ACP6: variants seen among roughly 807,000 people sequenced by gnomAD.
ACP6 encodes lysophosphatidic acid phosphatase type 6.
In ACP6, 48 loss-of-function variants were observed where a neutral mutation model predicts 48.1. The ratio of observed to expected loss-of-function variants is 1.00; its 90% confidence interval spans 0.79 to 1.27. The LOEUF is 1.27. ACP6 is among the 50% of genes most tolerant of loss of function. The pLI is 0.00. For missense variants in ACP6, 485 were observed against 529.1 expected, an observed-to-expected ratio of 0.92 and a Z score of 0.82; for synonymous variants, 172 against 204.2, an observed-to-expected ratio of 0.84 and a Z score of 1.34.
rs781901499 is a variant in ACP6, at chr1:147,647,470, C to T, written c.1240G>A (p.Ala414Thr). ...VYTLSPEKYH[A>T]LCSQTQVMEV... is the part of the protein sequence containing the mutation. ...ATCACCTGAGTTTGAGAGCAGAGTG[C>T]GTGGTATTTTTCTGGGCTTAAGGTA... is the stretch of plus-strand genomic sequence containing the variant. Residue 414 changes from alanine (A) to threonine (T), a missense_variant, in exon 10 of 10, where the codon GCA (alanine) becomes ACA (threonine). By Grantham distance (58) the Ala-to-Thr change is moderately conservative. Coordinates refer to ENST00000583509, the MANE Select transcript of ACP6 (RefSeq NM_016361.5). 5.8e-5 allele frequency: 93 copies of T among 1,614,076 alleles called. No individual in the cohort carries two copies. The highest frequency in any genetic ancestry group is 1.0e-4 in the Admixed American group (6 of 60,006).
At chr1:147,654,473 A>T in intron 5 of ACP6, 147 bp from the exon 6 acceptor site, 1 of 840,948 alleles carries the variant, frequency 1.2e-6, no homozygotes, top group Admixed American at 3.0e-5. Context: ...TTTATAGATG[A>T]ATAAACTAAG....
At chr1:147,630,936 T>C (rs1553207276) in exon 6 of ACP6, 1 of 152,202 alleles carries the variant, frequency 6.6e-6, no homozygotes, top group African/African-American at 2.4e-5. Context: ...TATGAAAGTA[T>C]GTAAATAATT....
intron 5 of ACP6, among the ~76,000 whole-genome samples, chr1:147,631,673 G>C (rs1659167026): frequency 6.6e-6 from 1 of 152,186 alleles, no homozygotes; most frequent in Non-Finnish European, 1.5e-5. Flanking sequence ...AATTAGCGGG[G>C]CTTGGTGGCA....
intron 8 of ACP6, among the ~76,000 whole-genome samples, chr1:147,648,891 T>C (rs1659767188): frequency 6.6e-6 from 1 of 152,178 alleles, no homozygotes; most frequent in African/African-American, 2.4e-5. Flanking sequence ...ATGGCTTTAA[T>C]CTGTAATAAG....
At chr1:147,639,602 C>T (rs978783656), downstream of ACP6, among the ~76,000 whole-genome samples, 8 of 152,324 alleles carry the variant, frequency 5.3e-5, no homozygotes, top group Middle Eastern at 3.4e-3. Flanking sequence ...GCTGCTTTTC[C>T]GGAGGTAGCT....
downstream of ACP6, among the ~76,000 whole-genome samples, chr1:147,640,550 G>A (rs1659420341): frequency 6.6e-6 from 1 of 152,180 alleles, no homozygotes. Flanking sequence ...ATAATTCCAT[G>A]AGGGAGATGC....
chr1:147,655,246 G>C lies in ACP6; in HGVS notation c.562C>G (p.Pro188Ala), dbSNP rs1340036577. The C allele has an allele frequency of 6.2e-7, 1 of 1,601,686 alleles. No individual in the cohort carries two copies. The highest frequency in any genetic ancestry group is 1.1e-5 in the South Asian group (1 of 88,884). Reference sequence around the variant, plus strand: ...GCTTCATCAGTGTGGATGATGATGGGTCCTGGAAGAAAGGGAGGAAGCACA... The same window carrying C: ...GCTTCATCAGTGTGGATGATGATGGCTCCTGGAAGAAAGGGAGGAAGCACA... ...AGLFQCQKEG[P>A]IIIHTDEADS... Residue 188 changes from proline (P) to alanine (A), a missense_variant and splice_region_variant, in exon 5 of 10, where the codon CCC becomes GCC. Pro to Ala is a conservative substitution (Grantham distance 27). Transcript: ENST00000583509.
chr1:147,663,160 T>A (rs1553213078), intron 1 of ACP6, among the ~76,000 whole-genome samples: 1 of 152,228 alleles, frequency 6.6e-6, no homozygotes, highest in African/African-American at 2.4e-5. Context: ...GGGTCTCACT[T>A]TATTGCGATA....
At position 147,652,757 on chromosome 1, in the gene ACP6, A is replaced by AAAG. The variant is rs1311760325; in HGVS notation, c.781-209_781-208insCTT. The AAAG allele has an allele frequency of 1.4e-5, 12 of 865,652 alleles. 1 individual carries two copies. Among genetic ancestry groups the AAAG allele is most frequent in the Middle Eastern group, 3.5e-4 (1 of 2,842 alleles). 53.6% of individuals were successfully genotyped at this position (865,652 alleles called of 1,614,324 possible). ...TACTAGATACCTGAAGGCCAGGAAA[A>AAAG]AAAAAAAAGAAAGGGTTTCTTCCCT... is the stretch of plus-strand genomic sequence containing the variant. On this transcript the variant is annotated intron_variant, in intron 6 of 9. Coordinates refer to ENST00000583509, the MANE Select transcript of ACP6 (RefSeq NM_016361.5).
intron 4 of ACP6, among the ~76,000 whole-genome samples, chr1:147,656,639 G>A (rs1216537427): frequency 1.3e-5 from 2 of 152,214 alleles, no homozygotes; most frequent in Admixed American, 1.3e-4. Context: ...CCCTGGGCAA[G>A]TCACTGAGCC....
At chr1:147,666,304 TC>T (rs751233397) in intron 1 of ACP6, among the ~76,000 whole-genome samples, 23 of 152,358 alleles carry the variant, frequency 1.5e-4, no homozygotes, top group Non-Finnish European at 2.8e-4. Context: ...GAACATCTTT[TC>T]AGCAGTCACA....
At chr1:147,652,114 C>T (rs1485205969) in intron 7 of ACP6, 1 of 231,628 alleles carries the variant, frequency 4.3e-6, no homozygotes, top group African/African-American at 2.3e-5. Context: ...CAAATTGTAA[C>T]ATGATGACTA....
chr1:147,655,015 TCA>T, intron 5 of ACP6, 144 bp downstream of exon 5: 1 of 623,470 alleles, frequency 1.6e-6, no homozygotes. Context: ...ACAGCTGATG[TCA>T]CACTTAAGTG....
chr1:147,648,792 C>G (rs1659762020), intron 8 of ACP6, among the ~76,000 whole-genome samples: 1 of 152,144 alleles, frequency 6.6e-6, no homozygotes, highest in Non-Finnish European at 1.5e-5. Context: ...TAGTAGGGCT[C>G]CTTGTTGGGG....
chr1:147,647,694 A>G, intron 9 of ACP6, 128 bp from the exon 10 acceptor site: 1 of 1,220,552 alleles, frequency 8.2e-7, no homozygotes, highest in Non-Finnish European at 1.1e-6. Context: ...ACAGACAGGA[A>G]GGCCCCACTA....
intron 1 of ACP6, among the ~76,000 whole-genome samples, chr1:147,665,962 A>T (rs781806351): frequency 5.9e-5 from 9 of 152,262 alleles, no homozygotes; most frequent in Non-Finnish European, 1.3e-4. Context: ...TTCAAGGGGT[A>T]ATAAAGTAGA....
At chr1:147,664,921 A>G (rs1490095197) in intron 1 of ACP6, among the ~76,000 whole-genome samples, 13 of 152,340 alleles carry the variant, frequency 8.5e-5, no homozygotes, top group African/African-American at 3.1e-4. Flanking sequence ...GTATTTAGAC[A>G]AGCAAATACC....
At chr1:147,647,685 C>T in intron 9 of ACP6, 119 bp from the exon 10 acceptor site, 2 of 1,339,580 alleles carry the variant, frequency 1.5e-6, no homozygotes, top group Middle Eastern at 2.7e-4. Flanking sequence ...ATACATATTA[C>T]AGACAGGAAG....
chr1:147,654,450 G>A (rs995693304), intron 5 of ACP6, 124 bp from the exon 6 acceptor site: 1 of 1,048,696 alleles, frequency 9.5e-7, no homozygotes, highest in Non-Finnish European at 1.3e-6. Context: ...GGGTTAGCTG[G>A]TATTATCCCA....
Sources: gnomAD v4.1 joint callset for allele counts (sites outside exome capture counted in the v4.1 genomes callset) on GRCh38, gnomAD v4.1.1 for gene constraint, MANE v1.5 for transcripts, NCBI Gene and HGNC (gene_info 2026-07-23, HGNC 2026-07-21) for gene names.